PALS2: variants seen among roughly 807,000 people sequenced by gnomAD.
The protein encoded by PALS2 is protein associated with LIN7 2, MAGUK p55 family member, also known as protein PALS2.
In PALS2, 27 loss-of-function variants were observed where a neutral mutation model predicts 61.6. The observed-to-expected ratio is 0.44, with a 90% CI of 0.32 to 0.60. PALS2 has a LOEUF of 0.60. PALS2 is among the 20% of genes least tolerant of loss of function. The pLI is 0.05. For missense variants in PALS2, 554 were observed against 639.4 expected (o/e 0.87, Z 1.44); for synonymous variants, 236 against 218.6 (o/e 1.08, Z -0.70).
chr7:24,660,760 G>A (rs1269921857), intron 5 of PALS2, among the ~76,000 whole-genome samples: 1 of 152,170 alleles, frequency 6.6e-6, no homozygotes, highest in Admixed American at 6.5e-5. Flanking sequence ...CTAGGTCAGA[G>A]GGTTTATGCG....
intron 3 of PALS2, among the ~76,000 whole-genome samples, chr7:24,648,838 G>A (rs541108059): frequency 6.6e-6 from 1 of 150,958 alleles, no homozygotes; most frequent in Admixed American, 6.6e-5. Flanking sequence ...CCAGGAAGTG[G>A]GGGTTGCAGT....
At chr7:24,674,884 A>G (rs1787480011) in intron 9 of PALS2, among the ~76,000 whole-genome samples, 1 of 152,164 alleles carries the variant, frequency 6.6e-6, no homozygotes, top group African/African-American at 2.4e-5. Flanking sequence ...CAAATGAAGT[A>G]TTACTTTGTT....
intron 11 of PALS2, among the ~76,000 whole-genome samples, chr7:24,685,633 T>C (rs1359693250): frequency 6.7e-6 from 1 of 149,932 alleles, no homozygotes; most frequent in Non-Finnish European, 1.5e-5. Context: ...GCATACTCCG[T>C]TATTGTTAAC....
chr7:24,653,227 C>T (rs138949547), intron 5 of PALS2, among the ~76,000 whole-genome samples: 39 of 151,930 alleles, frequency 2.6e-4, no homozygotes, highest in African/African-American at 7.7e-4. Flanking sequence ...ATTTATTATC[C>T]CAGGTATGCT....
chr7:24,595,045 A>G (rs562451543), intron 1 of PALS2, among the ~76,000 whole-genome samples: 3 of 152,184 alleles, frequency 2.0e-5, no homozygotes, highest in Admixed American at 2.0e-4. Flanking sequence ...CAGTAAAATG[A>G]GGTATGCCTG....
chr7:24,632,385 A>T (rs1035434108), intron 2 of PALS2, among the ~76,000 whole-genome samples: 2 of 152,030 alleles, frequency 1.3e-5, no homozygotes, highest in Admixed American at 1.3e-4. Flanking sequence ...ATCTTTTTTA[A>T]TTCACTCTGA....
At chr7:24,645,086 C>G (rs1217384137) in intron 3 of PALS2, among the ~76,000 whole-genome samples, 1 of 151,932 alleles carries the variant, frequency 6.6e-6, no homozygotes, top group Admixed American at 6.6e-5. Flanking sequence ...TCTGTAGGCT[C>G]TTTACTCTGT....
At chr7:24,647,718 G>A (rs952185914) in intron 3 of PALS2, among the ~76,000 whole-genome samples, 3 of 152,208 alleles carry the variant, frequency 2.0e-5, no homozygotes, top group East Asian at 3.8e-4. Flanking sequence ...AAAGTGAAGA[G>A]CTGTTTAAAA....
In PALS2 at chr7:24,596,261, T is replaced by C. The variant is rs1436821869; in HGVS notation, c.-3+22668T>C. Among the ~76,000 whole-genome samples the C allele has an allele frequency of 6.6e-6, 1 of 152,076 alleles. No homozygotes were observed. The highest frequency in any genetic ancestry group is 1.5e-5 in the Non-Finnish European group (1 of 67,996). ...GGCAAGAATTGATGGTGGCTTAGCG[T>C]AGGGGGATAGCAGTGAATGGGCAAG... is the stretch of plus-strand genomic sequence containing the variant. On this transcript the variant is annotated intron_variant, in intron 1 of 11. Coordinates refer to ENST00000222644, the MANE Select transcript of PALS2 (RefSeq NM_001303037.2). This position sits in a 1 kb window ranked among gnomAD's most constrained non-coding sequence, Gnocchi z 4.5.
intron 1 of PALS2, among the ~76,000 whole-genome samples, chr7:24,616,203 C>T (rs1784288052): frequency 6.6e-6 from 1 of 151,760 alleles, no homozygotes; most frequent in South Asian, 2.1e-4. Context: ...GCAAGAGTGA[C>T]AGAAAGGAGA....
chr7:24,617,463 T>C (rs538473636), intron 1 of PALS2, among the ~76,000 whole-genome samples: 81 of 152,348 alleles, frequency 5.3e-4, no homozygotes, highest in Middle Eastern at 3.4e-3. Flanking sequence ...ATGTTTGATG[T>C]AGCTCTACAT....
At chr7:24,654,883 A>G (rs925338733) in intron 5 of PALS2, among the ~76,000 whole-genome samples, 4 of 152,204 alleles carry the variant, frequency 2.6e-5, no homozygotes, top group Non-Finnish European at 4.4e-5. Flanking sequence ...ACACATACAT[A>G]TTACTTTGAT....
intron 2 of PALS2, among the ~76,000 whole-genome samples, chr7:24,633,287 G>A (rs1214319200): frequency 7.3e-6 from 1 of 137,390 alleles, no homozygotes; most frequent in Non-Finnish European, 1.5e-5. Flanking sequence ...TGTTGAAAAA[G>A]TCCTTTTTTT....
chr7:24,657,889 G>C lies in PALS2; in HGVS notation c.652-5701G>C, dbSNP rs1365704254. 2.0e-5 allele frequency among the ~76,000 whole-genome samples: 3 copies of C among 152,084 alleles called. No homozygotes were observed. In the East Asian group the frequency reaches 5.8e-4, roughly 29 times the overall value. ...ATGTTAATTTTTATATAGGATGTGA[G>C]GAAAGGATCAGAGTTTATATTTTGC... On this transcript the variant is annotated intron_variant, in intron 5 of 11. Coordinates refer to ENST00000222644, the MANE Select transcript of PALS2 (RefSeq NM_001303037.2).
At chr7:24,602,601 G>A (rs975922778) in intron 1 of PALS2, among the ~76,000 whole-genome samples, 2 of 152,190 alleles carry the variant, frequency 1.3e-5, no homozygotes, top group African/African-American at 2.4e-5. Context: ...GAATCAGGTG[G>A]AGGGGTTTGT....
intron 3 of PALS2, among the ~76,000 whole-genome samples, chr7:24,649,309 T>G (rs1459933447): frequency 6.6e-6 from 1 of 152,282 alleles, no homozygotes; most frequent in African/African-American, 2.4e-5. Context: ...GTACCTTCAT[T>G]GCACCAGACT....
At chr7:24,663,221 C>A (rs530740122) in intron 5 of PALS2, among the ~76,000 whole-genome samples, 2 of 152,106 alleles carry the variant, frequency 1.3e-5, no homozygotes, top group Non-Finnish European at 2.9e-5. Flanking sequence ...AAATCAACTA[C>A]CTATATTATA....
chr7:24,592,678 A>AT (rs967512233), intron 1 of PALS2, among the ~76,000 whole-genome samples: 1 of 152,080 alleles, frequency 6.6e-6, no homozygotes, highest in African/African-American at 2.4e-5. Flanking sequence ...AATCACACAA[A>AT]TTTTTTTATT....
intron 1 of PALS2, among the ~76,000 whole-genome samples, chr7:24,585,289 C>G (rs550111339): frequency 4.3e-4 from 65 of 151,778 alleles, no homozygotes; most frequent in African/African-American, 1.4e-3. Flanking sequence ...TTCTTCCTAC[C>G]TATGAGCGTG....
Sources: gnomAD v4.1 joint callset for allele counts (sites outside exome capture counted in the v4.1 genomes callset) on GRCh38, gnomAD v4.1.1 for gene constraint, Gnocchi (gnomAD v3.1) non-coding constraint, MANE v1.5 for transcripts, NCBI Gene and HGNC (gene_info 2026-07-23, HGNC 2026-07-21) for gene names.